The following INSYN2B variants were observed in gnomAD, a reference collection of about 807,000 sequenced individuals.
INSYN2B encodes inhibitory synaptic factor family member 2B, also known as protein INSYN2B.
A neutral mutation model predicts 41.2 loss-of-function variants in INSYN2B; 16 were observed. The observed-to-expected ratio is 0.39, with a 90% CI of 0.26 to 0.59. The LOEUF is 0.59. Ranked by LOEUF, INSYN2B falls within the 20% of genes least tolerant of loss-of-function variation. The pLI, the probability that INSYN2B is intolerant of heterozygous loss-of-function variation, is 0.57. For synonymous variants in INSYN2B, 245 were observed against 244.4 expected (o/e 1.00, Z -0.02); for missense variants, 608 against 646.4 (o/e 0.94, Z 0.64).
In INSYN2B at chr5:169,921,308, A is replaced by G. The variant is rs111612167; in HGVS notation, c.-918-36492T>C. 2.6e-3 allele frequency among the ~76,000 whole-genome samples: 399 copies of G among 152,358 alleles called. 1 individual carries two copies. Among genetic ancestry groups the G allele is most frequent in the African/African-American group, 8.9e-3 (372 of 41,582 alleles). On this transcript the variant is annotated intron_variant, in intron 1 of 3. Transcript: ENST00000377365. Reference sequence around the variant, plus strand: ...TATTATATAGGAAATCTCATAATCTATATAGGAATAGGAAATCTGTATAAT... The same window carrying G: ...TATTATATAGGAAATCTCATAATCTGTATAGGAATAGGAAATCTGTATAAT...
chr5:169,934,068 T>C (rs1436712067), intron 1 of INSYN2B, among the ~76,000 whole-genome samples: 1 of 152,174 alleles, frequency 6.6e-6, no homozygotes, highest in Non-Finnish European at 1.5e-5. Context: ...CATTGATCAG[T>C]GGTCACATTT....
chr5:169,909,981 T>A (rs896405429), intron 1 of INSYN2B, among the ~76,000 whole-genome samples: 1 of 151,966 alleles, frequency 6.6e-6, no homozygotes, highest in Non-Finnish European at 1.5e-5. Flanking sequence ...TGCACCAGCA[T>A]TTTTTTTAAT....
chr5:169,866,166 A>G (rs1158165249), intron 3 of INSYN2B, among the ~76,000 whole-genome samples: 1 of 152,062 alleles, frequency 6.6e-6, no homozygotes, highest in Non-Finnish European at 1.5e-5. Flanking sequence ...AGGGTATCTG[A>G]TTGTTTTGTT....
intron 1 of INSYN2B, among the ~76,000 whole-genome samples, chr5:169,930,670 T>G (rs1003307309): frequency 1.3e-5 from 2 of 152,232 alleles, no homozygotes; most frequent in Non-Finnish European, 2.9e-5. Flanking sequence ...TTAAGTTTTG[T>G]AATTTTACCT....
intron 1 of INSYN2B, among the ~76,000 whole-genome samples, chr5:169,891,859 G>A (rs1366874208): frequency 6.6e-6 from 1 of 152,074 alleles, no homozygotes; most frequent in Admixed American, 6.5e-5. Context: ...TCTGAGTGTG[G>A]TGGCAGGCAC....
chr5:169,947,767 G>A (rs953392076), intron 1 of INSYN2B, among the ~76,000 whole-genome samples: 4 of 152,198 alleles, frequency 2.6e-5, no homozygotes, highest in Non-Finnish European at 4.4e-5. Flanking sequence ...TAGAGGGGAG[G>A]AGCAGGACCA....
chr5:169,876,122 G>A (rs1772319174), intron 3 of INSYN2B, among the ~76,000 whole-genome samples: 1 of 152,094 alleles, frequency 6.6e-6, no homozygotes, highest in Non-Finnish European at 1.5e-5. Flanking sequence ...TTTGCCTCTG[G>A]CGTCACATCT....
At chr5:169,887,753 T>G (rs146814359) in intron 1 of INSYN2B, among the ~76,000 whole-genome samples, 1 of 152,322 alleles carries the variant, frequency 6.6e-6, no homozygotes, top group African/African-American at 2.4e-5. Context: ...GAAGAAGAAT[T>G]AGTGAGTCAA....
At chr5:169,969,566 G>A (rs371249171) in intron 1 of INSYN2B, among the ~76,000 whole-genome samples, 10 of 152,362 alleles carry the variant, frequency 6.6e-5, no homozygotes, top group African/African-American at 1.9e-4. Flanking sequence ...GTAGGAGAGT[G>A]GGGAGAATTC....
At chr5:169,921,943 C>T (rs1775198155) in intron 1 of INSYN2B, among the ~76,000 whole-genome samples, 1 of 152,134 alleles carries the variant, frequency 6.6e-6, no homozygotes, top group South Asian at 2.1e-4. Flanking sequence ...AAAAATGCTC[C>T]AGAGAGGTTG....
chr5:169,976,121 A>T (rs975001387), intron 1 of INSYN2B, among the ~76,000 whole-genome samples: 1 of 152,210 alleles, frequency 6.6e-6, no homozygotes, highest in Admixed American at 6.5e-5. Context: ...AATAAATTCA[A>T]TCTCCCATCT....
At chr5:169,933,126 C>G (rs1399431259) in intron 1 of INSYN2B, among the ~76,000 whole-genome samples, 2 of 152,208 alleles carry the variant, frequency 1.3e-5, no homozygotes, top group African/African-American at 4.8e-5. Context: ...TCACCTGAAA[C>G]AGGGTAAGGA....
At chr5:169,903,861 A>G (rs1403526013) in intron 1 of INSYN2B, among the ~76,000 whole-genome samples, 2 of 151,958 alleles carry the variant, frequency 1.3e-5, no homozygotes, top group African/African-American at 4.8e-5. Context: ...GCACTTTGGG[A>G]GGCCGAGGCA....
chr5:169,929,649 G>C (rs958021159), intron 1 of INSYN2B, among the ~76,000 whole-genome samples: 2 of 151,532 alleles, frequency 1.3e-5, no homozygotes, highest in Non-Finnish European at 2.9e-5. Flanking sequence ...GGCTGAGGCA[G>C]GAGAATCACT....
At chr5:169,929,375 G>A (rs1196121609) in intron 1 of INSYN2B, among the ~76,000 whole-genome samples, 5 of 152,058 alleles carry the variant, frequency 3.3e-5, no homozygotes, top group Non-Finnish European at 7.4e-5. Context: ...TTTCCACAAA[G>A]CGAATCCCGG....
At chr5:169,896,188 G>A (rs1476667759) in intron 1 of INSYN2B, among the ~76,000 whole-genome samples, 1 of 152,022 alleles carries the variant, frequency 6.6e-6, no homozygotes, top group African/African-American at 2.4e-5. Flanking sequence ...CGGGGGGCGG[G>A]GAGGCAGTCA....
chr5:169,975,450 C>T (rs1159456102), intron 1 of INSYN2B, among the ~76,000 whole-genome samples: 1 of 152,158 alleles, frequency 6.6e-6, no homozygotes, highest in Non-Finnish European at 1.5e-5. Context: ...GATCAGACTG[C>T]TGCCTGTCTC....
intron 1 of INSYN2B, among the ~76,000 whole-genome samples, chr5:169,895,991 G>A (rs532992244): frequency 1.1e-4 from 17 of 152,274 alleles, no homozygotes; most frequent in Admixed American, 2.0e-4. Flanking sequence ...TTATGTGAAT[G>A]CTATGATCTC....
chr5:169,979,905 C>T (rs539615769), intron 1 of INSYN2B, among the ~76,000 whole-genome samples: 1 of 152,192 alleles, frequency 6.6e-6, no homozygotes, highest in South Asian at 2.1e-4. Flanking sequence ...CTAGAATCCC[C>T]CTCCCTTTTT....
Sources: allele counts gnomAD v4.1 joint callset (sites outside exome capture counted in the v4.1 genomes callset), GRCh38; gene constraint gnomAD v4.1.1; transcripts MANE v1.5; gene names NCBI Gene and HGNC (gene_info 2026-07-23, HGNC 2026-07-21).